The following TRIM42 variants were observed in gnomAD, a reference collection of about 807,000 sequenced individuals.
TRIM42 encodes tripartite motif containing 42, also known as tripartite motif-containing protein 42.
Under a neutral mutation model 64.9 loss-of-function variants are expected in TRIM42, and 59 were observed. The ratio of observed to expected loss-of-function variants is 0.91; its 90% confidence interval spans 0.74 to 1.13. The LOEUF (loss-of-function observed/expected upper bound fraction) is 1.13. Ranked by LOEUF, TRIM42 falls within the 50% of genes most tolerant of loss-of-function variation. TRIM42 has a pLI of 0.00. For synonymous variants in TRIM42, 354 were observed against 346.3 expected, an observed-to-expected ratio of 1.02 and a Z score of -0.25; for missense variants, 878 against 929.5, an observed-to-expected ratio of 0.94 and a Z score of 0.72.
Position 140,700,899 on chromosome 3 carries a change from A to G in TRIM42, c.2097A>G (p.Pro699=). 1.2e-6 allele frequency: 2 copies of G among 1,614,152 alleles called. No homozygotes were observed. The highest frequency in any genetic ancestry group is 1.7e-6 in the Non-Finnish European group (2 of 1,179,964). Residue 699 remains proline, a synonymous_variant, in exon 5 of 5, where the codon CCA becomes CCG. Coordinates refer to ENST00000286349, the MANE Select transcript of TRIM42 (RefSeq NM_152616.5). ...GCTTCTGATTGCAGGTGGTAACACC[A>G]GATGGACATGGGAAGAACCGAGCTA... ...QWSDICKVVT[P]DGHGKNRAKW...
chr3:140,691,052 C>A lies in TRIM42; in HGVS notation c.1945C>A (p.Gln649Lys), dbSNP rs780338008. 2.5e-6 allele frequency: 4 copies of A among 1,613,958 alleles called. No homozygotes were observed. The highest frequency in any genetic ancestry group is 3.4e-6 in the Non-Finnish European group (4 of 1,180,014). ...EVITSPPNNV[Q>K]MELCGQIRDI... ...CATTACTTCTCCTCCTAACAACGTA[C>A]AAATGGAGCTCTGTGGACAAATTCG... Residue 649 changes from glutamine (Q) to lysine (K), a missense_variant, in exon 4 of 5, where the codon CAA (glutamine) becomes AAA (lysine). Coordinates refer to ENST00000286349, the MANE Select transcript of TRIM42 (RefSeq NM_152616.5).
Position 140,690,962 on chromosome 3 carries a change from C to T in TRIM42, c.1861-6C>T. 6.2e-7 allele frequency: 1 copy of T among 1,609,430 alleles called. No homozygotes were observed. The highest frequency in any genetic ancestry group is 8.5e-7 in the Non-Finnish European group (1 of 1,175,822). The stretch of plus-strand genomic sequence containing the variant: ...TACCACACCAGTATGTTCATTTCTT[C>T]CATAGGTTTACTGGACATGTCCAGC... On this transcript the variant is annotated splice_polypyrimidine_tract_variant and splice_region_variant and intron_variant, in intron 3 of 4. Coordinates refer to ENST00000286349, the MANE Select transcript of TRIM42 (RefSeq NM_152616.5).
rs1199990012 is a variant in TRIM42, at chr3:140,678,494, T to C, written c.265T>C (p.Tyr89His). The part of the protein sequence containing the change: ...CCTASSNLNC[Y>H]YYESRCCRNT... ...CACAGCCAGCAGCAATCTCAACTGC[T>C]ACTACTATGAGAGCCGCTGCTGCCG... Residue 89 changes from tyrosine to histidine, a missense_variant, in exon 1 of 5, where the codon TAC becomes CAC. Tyr to His is a moderately conservative substitution (Grantham distance 83, BLOSUM62 2). Coordinates refer to ENST00000286349, the MANE Select transcript of TRIM42 (RefSeq NM_152616.5). The C allele has an allele frequency of 6.2e-7, 1 of 1,614,136 alleles. No homozygotes were observed. The highest frequency in any genetic ancestry group is 8.5e-7 in the Non-Finnish European group (1 of 1,180,024).
chr3:140,685,813 A>G (rs1988532782), intron 2 of TRIM42, among the ~76,000 whole-genome samples: 1 of 152,236 alleles, frequency 6.6e-6, no homozygotes, highest in Non-Finnish European at 1.5e-5. Flanking sequence ...GTAACACTAT[A>G]CAGTCACTTA....
In TRIM42 at chr3:140,688,206, C is replaced by A; in HGVS notation, c.1524C>A (p.Tyr508Ter). The A allele has an allele frequency of 6.2e-7, 1 of 1,614,216 alleles. No homozygotes were observed. Among genetic ancestry groups the A allele is most frequent in the South Asian group, 1.1e-5 (1 of 91,080 alleles). Residue 508 changes from tyrosine to a stop codon, truncating the protein, a stop_gained, in exon 3 of 5, where the codon TAC becomes TAA. Coordinates refer to ENST00000286349, the MANE Select transcript of TRIM42 (RefSeq NM_152616.5). LOFTEE classifies it high-confidence loss of function. ...CAGGGGACTCCCTGCCCTCCCCCTA[C>A]CCCGTGCACTCAGAAACAATGATTG... is the stretch of plus-strand genomic sequence containing the variant. ...RSSGDSLPSP[Y>*]PVHSETMIAR... is the part of the protein sequence containing the mutation.
chr3:140,693,454 T>C (rs1988772532), intron 4 of TRIM42, among the ~76,000 whole-genome samples: 1 of 152,240 alleles, frequency 6.6e-6, no homozygotes, highest in Non-Finnish European at 1.5e-5. Flanking sequence ...CCCTTCTTTG[T>C]GGTTATATTA....
chr3:140,697,178 C>T (rs986848042), intron 4 of TRIM42, among the ~76,000 whole-genome samples: 1 of 152,020 alleles, frequency 6.6e-6, no homozygotes, highest in Non-Finnish European at 1.5e-5. Context: ...TGATATCCTT[C>T]GCCCATTTTT....
chr3:140,691,553 G>A (rs921581492), intron 4 of TRIM42, among the ~76,000 whole-genome samples: 2 of 152,154 alleles, frequency 1.3e-5, no homozygotes, highest in South Asian at 2.1e-4. Context: ...TAAAAATGAG[G>A]TGCTATTCCC....
At position 140,682,815 on chromosome 3, in the gene TRIM42, C is replaced by T. The variant is rs753540345; in HGVS notation, c.695C>T (p.Ser232Phe). The T allele has an allele frequency of 5.5e-5, 89 of 1,613,964 alleles. No individual in the cohort carries two copies. Among genetic ancestry groups the T allele is most frequent in the Non-Finnish European group, 6.9e-5 (82 of 1,180,052 alleles). Reference sequence around the variant, plus strand: ...TACCTCAAGTGGCGCTTTGACCGCTCCTCCGGGCCCATCCTCTGCCAGGTC... The same window carrying T: ...TACCTCAAGTGGCGCTTTGACCGCTTCTCCGGGCCCATCCTCTGCCAGGTC... ...HGYLKWRFDR[S>F]SGPILCQVCR... Residue 232 changes from serine (S) to phenylalanine (F), a missense_variant, in exon 2 of 5, where the codon TCC becomes TTC. Transcript: ENST00000286349.
rs376378723 is a variant in TRIM42, at chr3:140,690,997, G to A, written c.1890G>A (p.Val630=). Residue 630 remains valine (V), a synonymous_variant, in exon 4 of 5, where the codon GTG becomes GTA. Coordinates refer to ENST00000286349, the MANE Select transcript of TRIM42 (RefSeq NM_152616.5). ...KVYWTCPAED[V]DSFEMEFYEV... The stretch of plus-strand genomic sequence containing the variant: ...ACTGGACATGTCCAGCAGAAGACGT[G>A]GACTCTTTTGAGATGGAATTCTATG... The A allele has an allele frequency of 3.7e-6, 6 of 1,613,772 alleles. No individual in the cohort carries two copies. The African/African-American group carries it at 8.0e-5, about 22-fold the overall frequency.
At chr3:140,697,233 T>C (rs1988875190) in intron 4 of TRIM42, among the ~76,000 whole-genome samples, 1 of 152,208 alleles carries the variant, frequency 6.6e-6, no homozygotes, top group Admixed American at 6.5e-5. Flanking sequence ...GATGTCCTTA[T>C]ATATTCTAGG....
At chr3:140,693,431 A>G (rs1392517423) in intron 4 of TRIM42, among the ~76,000 whole-genome samples, 1 of 152,224 alleles carries the variant, frequency 6.6e-6, no homozygotes, top group East Asian at 1.9e-4. Context: ...TTCCTTCAGA[A>G]GTAATTCTTC....
rs767543441 is a variant in TRIM42, at chr3:140,682,612, C to T, written c.492C>T (p.Ser164=). Reference sequence around the variant, plus strand: ...CATTCATGCTGCCCTGCAACCACAGCCTGTGCGAGAAGTGCCTGCGGCAGC... The same window carrying T: ...CATTCATGCTGCCCTGCAACCACAGTCTGTGCGAGAAGTGCCTGCGGCAGC... The part of the protein sequence containing the change: ...LHSFMLPCNH[S]LCEKCLRQLQ... Residue 164 remains serine (S), a synonymous_variant, in exon 2 of 5, where the codon AGC becomes AGT. Transcript: ENST00000286349. 18 of 1,614,206 alleles carry T rather than the reference C, an allele frequency of 1.1e-5. No individual in the cohort carries two copies. Among genetic ancestry groups the T allele is most frequent in the Non-Finnish European group, 1.5e-5 (18 of 1,180,044 alleles).
intron 4 of TRIM42, among the ~76,000 whole-genome samples, chr3:140,696,994 C>T (rs572952825): frequency 2.0e-5 from 3 of 152,308 alleles, no homozygotes; most frequent in East Asian, 3.9e-4. Context: ...ATGTACACTT[C>T]CATAAGGAAT....
chr3:140,701,051 T>A lies in TRIM42; in HGVS notation c.*77T>A, dbSNP rs1402469932. ...CACACACATATATGTATGTATATTT[T>A]TCTCACCACATTCTTCAAGGAGGTT... On this transcript the variant is annotated 3_prime_UTR_variant, in exon 5 of 5. Coordinates refer to ENST00000286349, the MANE Select transcript of TRIM42 (RefSeq NM_152616.5). 6 of 1,258,346 alleles carry A rather than the reference T, an allele frequency of 4.8e-6. No homozygotes were observed. Among genetic ancestry groups the A allele is most frequent in the Non-Finnish European group, 6.7e-6 (6 of 900,930 alleles). 77.9% of individuals were successfully genotyped at this position (1,258,346 alleles called of 1,614,324 possible).
chr3:140,699,852 A>C (rs1412924066), intron 4 of TRIM42, among the ~76,000 whole-genome samples: 2 of 152,212 alleles, frequency 1.3e-5, no homozygotes, highest in African/African-American at 4.8e-5. Context: ...TCTAAAACCA[A>C]AAATTTTGTA....
At chr3:140,693,718 T>A (rs1036223567) in intron 4 of TRIM42, among the ~76,000 whole-genome samples, 1 of 152,240 alleles carries the variant, frequency 6.6e-6, no homozygotes, top group African/African-American at 2.4e-5. Flanking sequence ...ATGCAATATT[T>A]CTATCACACG....
At chr3:140,686,744 G>C (rs1988554317) in intron 2 of TRIM42, among the ~76,000 whole-genome samples, 1 of 152,158 alleles carries the variant, frequency 6.6e-6, no homozygotes, top group African/African-American at 2.4e-5. Context: ...TTCATGAGAA[G>C]AACCTTACCC....
At chr3:140,697,130 G>C (rs1988873288) in intron 4 of TRIM42, among the ~76,000 whole-genome samples, 3 of 152,034 alleles carry the variant, frequency 2.0e-5, no homozygotes, top group African/African-American at 7.2e-5. Flanking sequence ...TTATATTTTT[G>C]TTAGTTTTCA....
Sources: allele counts gnomAD v4.1 joint callset (sites outside exome capture counted in the v4.1 genomes callset), GRCh38; gene constraint gnomAD v4.1.1; transcripts MANE v1.5; gene names NCBI Gene and HGNC (gene_info 2026-07-23, HGNC 2026-07-21).